Variants in HPSE2 observed in about 807,000 individuals in gnomAD.
The protein encoded by HPSE2 is inactive heparanase-2.
A neutral mutation model predicts 60.5 loss-of-function variants in HPSE2; 38 were observed. That is an observed-to-expected ratio of 0.63 (90% CI 0.48 to 0.82). The LOEUF (loss-of-function observed/expected upper bound fraction) is 0.82. Ranked by LOEUF, HPSE2 falls within the 40% of genes least tolerant of loss-of-function variation. HPSE2 has a pLI of 0.00. For missense variants in HPSE2, 713 were observed against 740.4 expected (o/e 0.96, Z 0.43); for synonymous variants, 295 against 293.2 (o/e 1.01, Z -0.06).
At chr10:98,560,777 C>T (rs1944150388) in intron 9 of HPSE2, among the ~76,000 whole-genome samples, 1 of 152,162 alleles carries the variant, frequency 6.6e-6, no homozygotes, top group Non-Finnish European at 1.5e-5. Context: ...TTGCTATTGC[C>T]TAATGACATC....
chr10:98,836,595 A>G (rs1354145518), intron 3 of HPSE2, among the ~76,000 whole-genome samples: 7 of 152,158 alleles, frequency 4.6e-5, no homozygotes, highest in Non-Finnish European at 1.0e-4. Flanking sequence ...TGTGTAGAAC[A>G]GGTCATGAGT....
chr10:99,208,015 TA>T (rs1848820149), intron 2 of HPSE2, among the ~76,000 whole-genome samples: 1 of 149,054 alleles, frequency 6.7e-6, no homozygotes, highest in Admixed American at 6.7e-5. Context: ...TAATTTATTA[TA>T]GTATAATTAT....
intron 3 of HPSE2, among the ~76,000 whole-genome samples, chr10:99,098,786 A>C (rs1843818070): frequency 6.6e-6 from 1 of 152,198 alleles, no homozygotes; most frequent in Admixed American, 6.5e-5. Context: ...GTTTGGGTTC[A>C]ATTTACATAC....
chr10:98,516,151 A>C (rs1198828803), intron 9 of HPSE2, among the ~76,000 whole-genome samples: 1 of 152,218 alleles, frequency 6.6e-6, no homozygotes, highest in Non-Finnish European at 1.5e-5. Flanking sequence ...TTTCTAGAGT[A>C]CTTAAGATGT....
chr10:99,171,998 T>C (rs1847329314), intron 2 of HPSE2, among the ~76,000 whole-genome samples: 1 of 152,166 alleles, frequency 6.6e-6, no homozygotes, highest in Admixed American at 6.5e-5. Context: ...ATTCTAAAAA[T>C]TAAAATAAAG....
chr10:98,927,000 T>C (rs1317250376), intron 3 of HPSE2, among the ~76,000 whole-genome samples: 1 of 152,184 alleles, frequency 6.6e-6, no homozygotes, highest in Admixed American at 6.5e-5. Flanking sequence ...TCTGTTCTTT[T>C]ACATTTGCTG....
At chr10:98,845,122 A>C (rs910671445) in intron 3 of HPSE2, among the ~76,000 whole-genome samples, 2 of 152,218 alleles carry the variant, frequency 1.3e-5, no homozygotes, top group African/African-American at 2.4e-5. Context: ...AAGAAAGGGA[A>C]GATAATTCTA....
chr10:99,251,915 T>C, the HPSE2 span, among the ~76,000 whole-genome samples: 5 of 145,590 alleles, frequency 3.4e-5, no homozygotes, highest in South Asian at 1.1e-3. Context: ...GGCACGTGCC[T>C]GTAGTCGCAG....
At chr10:99,077,699 T>C (rs560529181) in intron 3 of HPSE2, among the ~76,000 whole-genome samples, 55 of 100,788 alleles carry the variant, frequency 5.5e-4, no homozygotes, top group African/African-American at 1.5e-3. Context: ...ATTTCAGATA[T>C]ATGTGTATGT....
chr10:99,069,234 T>C (rs1465811839), intron 3 of HPSE2, among the ~76,000 whole-genome samples: 1 of 152,160 alleles, frequency 6.6e-6, no homozygotes, highest in Non-Finnish European at 1.5e-5. Context: ...CTAGAAATTT[T>C]GTCCAACTAC....
At chr10:98,990,040 T>TA (rs1331690674) in intron 3 of HPSE2, among the ~76,000 whole-genome samples, 6 of 151,890 alleles carry the variant, frequency 4.0e-5, no homozygotes, top group Non-Finnish European at 7.4e-5. Flanking sequence ...ACAAAAGAAG[T>TA]AAAAAAAGTA....
chr10:98,710,271 G>T (rs899067958), intron 5 of HPSE2, among the ~76,000 whole-genome samples: 1 of 151,894 alleles, frequency 6.6e-6, no homozygotes, highest in South Asian at 2.1e-4. Flanking sequence ...CTCACCTTCA[G>T]TCCTCCATTT....
At chr10:99,225,667 G>T (rs1849449273) in intron 2 of HPSE2, among the ~76,000 whole-genome samples, 1 of 152,022 alleles carries the variant, frequency 6.6e-6, no homozygotes, top group Non-Finnish European at 1.5e-5. Flanking sequence ...TAGTGATTTG[G>T]AAAGGGAAGA....
At chr10:98,643,034 G>A (rs1363599588) in intron 6 of HPSE2, among the ~76,000 whole-genome samples, 1 of 152,226 alleles carries the variant, frequency 6.6e-6, no homozygotes, top group Non-Finnish European at 1.5e-5. Context: ...TACTTTAGTT[G>A]AGGTAAGGGT....
chr10:98,584,164 G>GA (rs1944877455), intron 9 of HPSE2, among the ~76,000 whole-genome samples: 1 of 152,168 alleles, frequency 6.6e-6, no homozygotes, highest in Non-Finnish European at 1.5e-5. Flanking sequence ...CTTAATAGAA[G>GA]TCTTTGAAAG....
intron 9 of HPSE2, among the ~76,000 whole-genome samples, chr10:98,503,363 A>G (rs1283206855): frequency 6.6e-6 from 1 of 152,224 alleles, no homozygotes; most frequent in Non-Finnish European, 1.5e-5. Flanking sequence ...ATCAAAAAAC[A>G]GTAGTTGTTG....
chr10:98,907,551 G>C (rs1045743892), intron 3 of HPSE2, among the ~76,000 whole-genome samples: 1 of 152,116 alleles, frequency 6.6e-6, no homozygotes, highest in South Asian at 2.1e-4. Context: ...TTCTGACAAG[G>C]CATGGTCTAA....
At chr10:99,270,439 G>A in the HPSE2 span, among the ~76,000 whole-genome samples, 3 of 152,110 alleles carry the variant, frequency 2.0e-5, no homozygotes, top group African/African-American at 7.2e-5. Flanking sequence ...GTTAAACTAG[G>A]AAGAAATAGA....
chr10:98,715,314 T>G (rs1051185167), intron 5 of HPSE2, among the ~76,000 whole-genome samples: 35 of 152,012 alleles, frequency 2.3e-4, no homozygotes, highest in Non-Finnish European at 1.3e-4. Flanking sequence ...AATGATCTTT[T>G]TGTACTGATT....
Sources: allele counts gnomAD v4.1 joint callset (sites outside exome capture counted in the v4.1 genomes callset), GRCh38; gene constraint gnomAD v4.1.1; transcripts MANE v1.5; gene names NCBI Gene and HGNC (gene_info 2026-07-23, HGNC 2026-07-21).